ZMYND11: variants seen among roughly 807,000 people sequenced by gnomAD.
ZMYND11 encodes zinc finger MYND-type containing 11.
In ZMYND11, 9 loss-of-function variants were observed where a neutral mutation model predicts 84.9. The ratio of observed to expected loss-of-function variants is 0.11; its 90% confidence interval spans 0.06 to 0.18. The LOEUF is 0.18. Ranked by LOEUF, ZMYND11 falls within the 10% of genes least tolerant of loss-of-function variation. The pLI is 1.00. For missense variants in ZMYND11, 409 were observed against 761.0 expected (o/e 0.54, Z 5.44); for synonymous variants, 250 against 244.1 (o/e 1.02, Z -0.23).
At chr10:232,825 A>ATAAC (rs1300661100) in intron 4 of ZMYND11, among the ~76,000 whole-genome samples, 3 of 152,220 alleles carry the variant, frequency 2.0e-5, no homozygotes, top group African/African-American at 7.2e-5. Context: ...TACTTAAAAC[A>ATAAC]TAACTCCCAT....
intron 1 of ZMYND11, among the ~76,000 whole-genome samples, chr10:142,093 C>T (rs1554754118): frequency 1.3e-5 from 2 of 152,122 alleles, no homozygotes; most frequent in South Asian, 2.1e-4. Flanking sequence ...TTTGTGGCAG[C>T]ACCATTTGTG....
chr10:197,178 G>A (rs138167059), intron 2 of ZMYND11, among the ~76,000 whole-genome samples: 1,533 of 148,836 alleles, frequency 0.01, 39 homozygotes, highest in African/African-American at 0.036. Flanking sequence ...GTGGAAAGTG[G>A]AGTGCTTTTA....
chr10:240,177 C>T (rs961335686), intron 8 of ZMYND11, 66 bp downstream of exon 8: 2 of 1,310,494 alleles, frequency 1.5e-6, no homozygotes, highest in Non-Finnish European at 2.1e-6. Context: ...CAGGATTCCA[C>T]TCTTATCTAC....
intron 2 of ZMYND11, among the ~76,000 whole-genome samples, chr10:186,003 G>T (rs936148056): frequency 6.6e-5 from 10 of 150,712 alleles, no homozygotes; most frequent in African/African-American, 2.4e-4. Flanking sequence ...TCAAACACAG[G>T]ATTCTTTTTT....
At chr10:203,575 C>T (rs1943613319) in intron 2 of ZMYND11, among the ~76,000 whole-genome samples, 1 of 151,910 alleles carries the variant, frequency 6.6e-6, no homozygotes, top group East Asian at 1.9e-4. Context: ...GAATATGGGA[C>T]CAAGAAGAGC....
intron 1 of ZMYND11, among the ~76,000 whole-genome samples, chr10:142,661 A>G (rs1318257611): frequency 6.6e-6 from 1 of 152,192 alleles, no homozygotes. Flanking sequence ...TTACAGTGAT[A>G]TTCCTTCATT....
chr10:133,353 T>C (rs1835371609), upstream of ZMYND11, among the ~76,000 whole-genome samples: 1 of 152,226 alleles, frequency 6.6e-6, no homozygotes, highest in South Asian at 2.1e-4. Flanking sequence ...GGGAGGGATA[T>C]TCGTATTCAT....
chr10:248,236 T>A, intron 12 of ZMYND11, 100 bp from the exon 13 acceptor site: 1 of 1,431,106 alleles, frequency 7.0e-7, no homozygotes, highest in South Asian at 1.4e-5. Flanking sequence ...ATTCTATGGC[T>A]ATTATGTATA....
intron 1 of ZMYND11, among the ~76,000 whole-genome samples, chr10:158,759 A>C (rs1219955372): frequency 1.3e-5 from 2 of 151,962 alleles, no homozygotes; most frequent in Non-Finnish European, 2.9e-5. Context: ...CCTAGTGGTT[A>C]TGAACTAGCA....
rs150869917 is a variant in ZMYND11, at chr10:179,811, G to T, written c.-19-183G>T. 8.5e-5 allele frequency among the ~76,000 whole-genome samples: 13 copies of T among 152,202 alleles called. No homozygotes were observed. The East Asian group carries it at 2.5e-3, about 29-fold the overall frequency. The stretch of plus-strand genomic sequence containing the variant: ...AGAATGTCATTCTTCATGATGTAAT[G>T]AAATGAATGATACTTTATATGAAGT... On this transcript the variant is annotated intron_variant, in intron 1 of 14. Coordinates refer to ENST00000381604, the MANE Select transcript of ZMYND11 (RefSeq NM_001370100.5).
intron 3 of ZMYND11, 87 bp from the exon 4 acceptor site, chr10:221,108 T>G (rs1589053606): frequency 8.3e-7 from 1 of 1,198,770 alleles, no homozygotes; most frequent in East Asian, 2.4e-5. Context: ...ATGCCTAACT[T>G]CTGATGGACA....
chr10:241,262 ACCT>A (rs1266257011), intron 9 of ZMYND11, among the ~76,000 whole-genome samples: 1 of 151,996 alleles, frequency 6.6e-6, no homozygotes, highest in African/African-American at 2.4e-5. Context: ...CGTAGCCTTG[ACCT>A]CCTCCAGGCT....
In ZMYND11 at chr10:135,854, G is replaced by A. The variant is rs1554751886; in HGVS notation, c.-20+295G>A. Among the ~76,000 whole-genome samples, 3 of 150,804 alleles carry A rather than the reference G, an allele frequency of 2.0e-5. No homozygotes were observed. Among genetic ancestry groups the A allele is most frequent in the Admixed American group, 6.6e-5 (1 of 15,136 alleles). On this transcript the variant is annotated intron_variant, in intron 1 of 14. Transcript: ENST00000381604. The surrounding 1 kb of genome is among the most constrained non-coding windows in gnomAD (Gnocchi z 5.6). ...GAAGAGGCCCCGGGATGAGGCCCCG[G>A]AGGACCGCGCGGGGCCTGCTCGGGC... is the stretch of plus-strand genomic sequence containing the variant.
chr10:166,109 CAT>C (rs1288041368), intron 1 of ZMYND11, among the ~76,000 whole-genome samples: 3 of 152,128 alleles, frequency 2.0e-5, no homozygotes, highest in East Asian at 3.9e-4. Flanking sequence ...ATTAACTCCA[CAT>C]GTGTCAGTAA....
Position 248,530 on chromosome 10 carries a change from C to T in ZMYND11, c.1422C>T (p.Ile474=). 6.2e-7 allele frequency: 1 copy of T among 1,614,098 alleles called. No individual in the cohort carries two copies. The highest frequency in any genetic ancestry group is 8.5e-7 in the Non-Finnish European group (1 of 1,180,034). The change falls in exon 13 of 15, where the codon ATC becomes ATT. Residue 474 remains isoleucine (I), a synonymous_variant. Coordinates refer to ENST00000381604, the MANE Select transcript of ZMYND11 (RefSeq NM_001370100.5). ...QSMCHDKYTK[I]FNDFKDRMKS... The stretch of plus-strand genomic sequence containing the variant: ...TGTGCCATGACAAATACACCAAGAT[C>T]TTCAATGACTTCAAAGACCGGATGA...
At chr10:158,146 T>C (rs1219480182) in intron 1 of ZMYND11, among the ~76,000 whole-genome samples, 2 of 152,228 alleles carry the variant, frequency 1.3e-5, no homozygotes, top group African/African-American at 4.8e-5. Flanking sequence ...TTGGGTTTTT[T>C]CCACTTTTAG....
chr10:218,464 A>G, intron 3 of ZMYND11: 1 of 390,176 alleles, frequency 2.6e-6, no homozygotes, highest in Admixed American at 3.7e-5. Flanking sequence ...GGCCTATAGT[A>G]TGCAGCCTTT....
intron 2 of ZMYND11, among the ~76,000 whole-genome samples, chr10:192,083 G>A (rs1210103013): frequency 6.6e-6 from 1 of 152,190 alleles, no homozygotes; most frequent in East Asian, 1.9e-4. Flanking sequence ...CCAAAGTTAT[G>A]CAGCTAGTCA....
At chr10:250,179 T>TGA (rs1491254112) in intron 14 of ZMYND11, among the ~76,000 whole-genome samples, 1 of 152,234 alleles carries the variant, frequency 6.6e-6, no homozygotes, top group African/African-American at 2.4e-5. Context: ...AAAACTAGTC[T>TGA]GAGAGCTGCA....
Sources: gnomAD v4.1 joint callset for allele counts (sites outside exome capture counted in the v4.1 genomes callset) on GRCh38, gnomAD v4.1.1 for gene constraint, Gnocchi (gnomAD v3.1) non-coding constraint, MANE v1.5 for transcripts, NCBI Gene and HGNC (gene_info 2026-07-23, HGNC 2026-07-21) for gene names.